Variants in INPP5D observed in about 807,000 individuals in gnomAD.
The protein encoded by INPP5D is phosphatidylinositol 3,4,5-trisphosphate 5-phosphatase 1.
In INPP5D, 33 loss-of-function variants were observed where a neutral mutation model predicts 122.9. The ratio of observed to expected loss-of-function variants is 0.27; its 90% CI spans 0.20 to 0.36. The LOEUF (loss-of-function observed/expected upper bound fraction) is 0.36, where lower values mean the gene tolerates loss of function less well. Ranked by LOEUF, INPP5D falls within the 10% of genes least tolerant of loss-of-function variation. INPP5D has a pLI of 1.00. For missense variants in INPP5D, 1,053 were observed against 1,412.7 expected, an observed-to-expected ratio of 0.75 and a Z score of 4.08; for synonymous variants, 584 against 576.2, an observed-to-expected ratio of 1.01 and a Z score of -0.19.
chr2:233,163,781 G>T lies in INPP5D; in HGVS notation c.1315G>T (p.Ala439Ser), dbSNP rs1237408660. ...KGQGKTRDDS[A>S]DYIPHDIYVI... ...GCAGGGAAAGACGCGGGACGACTCT[G>T]CGGACTACATCCCCCATGACATTTA... Residue 439 changes from alanine (A) to serine (S), a missense_variant, in exon 12 of 27, where the codon GCG (alanine) becomes TCG (serine). Transcript: ENST00000445964. 1 of 1,614,004 alleles carries T rather than the reference G, an allele frequency of 6.2e-7. No individual in the cohort carries two copies. The highest frequency in any genetic ancestry group is 1.1e-5 in the South Asian group (1 of 91,078).
chr2:233,160,071 G>C lies in INPP5D; in HGVS notation c.1137+1652G>C, dbSNP rs1208693720. 2.6e-5 allele frequency among the ~76,000 whole-genome samples: 4 copies of C among 152,132 alleles called. No homozygotes were observed. Among genetic ancestry groups the C allele is most frequent in the Admixed American group, 2.6e-4 (4 of 15,270 alleles). On this transcript the variant is annotated intron_variant, in intron 10 of 26. Coordinates refer to ENST00000445964, the MANE Select transcript of INPP5D (RefSeq NM_001017915.3). This position sits in a 1 kb window ranked among gnomAD's most constrained non-coding sequence, Gnocchi z 4.2. ...TGCCCCATTGCTGCGACCTCAAAAG[G>C]ACTGAGGCACAGGGATAAATGGAGG...
intron 18 of INPP5D, among the ~76,000 whole-genome samples, chr2:233,181,516 T>C (rs1694782479): frequency 6.6e-6 from 1 of 152,120 alleles, no homozygotes; most frequent in Admixed American, 6.5e-5. Flanking sequence ...AAGATGCATC[T>C]CCAGCCTTGA....
At chr2:233,102,961 C>T (rs1212117904) in intron 2 of INPP5D, among the ~76,000 whole-genome samples, 1 of 152,102 alleles carries the variant, frequency 6.6e-6, no homozygotes, top group Non-Finnish European at 1.5e-5. Context: ...TATAACACTC[C>T]CCTTCCTAGG....
chr2:233,112,650 T>C (rs756062380), intron 2 of INPP5D, among the ~76,000 whole-genome samples: 43 of 152,302 alleles, frequency 2.8e-4, no homozygotes, highest in Non-Finnish European at 3.2e-4. Flanking sequence ...CATACACTCA[T>C]TCATGCACCT....
chr2:233,192,290 C>T lies in INPP5D; in HGVS notation c.2447-1522C>T, dbSNP rs555216291. On this transcript the variant is annotated intron_variant, in intron 22 of 26. Transcript: ENST00000445964. ...CTGTATTTCTGCGACACGGCAAGAC[C>T]ATGTCTTTAAAAATAATATACTGTA... Among the ~76,000 whole-genome samples, 49 of 152,296 alleles carry T rather than the reference C, an allele frequency of 3.2e-4. No homozygotes were observed. The South Asian group carries it at 7.5e-3, about 23-fold the overall frequency.
At chr2:233,153,048 T>C (rs1574768978) in intron 9 of INPP5D, among the ~76,000 whole-genome samples, 1 of 152,130 alleles carries the variant, frequency 6.6e-6, no homozygotes, top group Non-Finnish European at 1.5e-5. Context: ...GTTTCAAAGG[T>C]AGACCAGCCA....
intron 13 of INPP5D, among the ~76,000 whole-genome samples, chr2:233,166,186 T>A (rs1694333690): frequency 6.6e-6 from 1 of 152,058 alleles, no homozygotes. Flanking sequence ...GGGTGTGGAT[T>A]CCATCGCTCC....
At chr2:233,102,090 C>A (rs1692330508) in intron 2 of INPP5D, among the ~76,000 whole-genome samples, 1 of 152,060 alleles carries the variant, frequency 6.6e-6, no homozygotes, top group South Asian at 2.1e-4. Flanking sequence ...TCATTCACGG[C>A]CAAGGAAACT....
intron 2 of INPP5D, among the ~76,000 whole-genome samples, chr2:233,086,177 C>CTTTCTTTCA (rs1691840459): frequency 2.1e-5 from 3 of 140,918 alleles, no homozygotes; most frequent in African/African-American, 8.1e-5. Context: ...TTCTTTCTTT[C>CTTTCTTTCA]TTTCTTTCTT....
chr2:233,164,279 G>T lies in INPP5D; in HGVS notation c.1438-28G>T. On this transcript the variant is annotated intron_variant, in intron 12 of 26. Transcript: ENST00000445964. The surrounding 1 kb of genome is among the most constrained non-coding windows in gnomAD (Gnocchi z 4.3). The stretch of plus-strand genomic sequence containing the variant: ...CTGGTTCACACCCTACACTTGGGCC[G>T]AGTATTGCAACGTTGTCCTCCCACC... 1 of 1,534,602 alleles carries T rather than the reference G, an allele frequency of 6.5e-7. No individual in the cohort carries two copies. Among genetic ancestry groups the T allele is most frequent in the South Asian group, 1.2e-5 (1 of 81,680 alleles).
chr2:233,180,927 G>A (rs2106312552), intron 18 of INPP5D, among the ~76,000 whole-genome samples: 1 of 152,296 alleles, frequency 6.6e-6, no homozygotes, highest in African/African-American at 2.4e-5. Flanking sequence ...ACCCACCTCG[G>A]CCTCCCAAAG....
chr2:233,199,596 G>A (rs1401559552), intron 25 of INPP5D, among the ~76,000 whole-genome samples: 1 of 150,896 alleles, frequency 6.6e-6, no homozygotes, highest in South Asian at 2.1e-4. Flanking sequence ...TTGGGAGGCC[G>A]AGGCAGACAG....
intron 23 of INPP5D, 59 bp from the exon 24 acceptor site, chr2:233,195,340 C>T: frequency 1.2e-6 from 2 of 1,611,966 alleles, no homozygotes; most frequent in Non-Finnish European, 8.5e-7. Flanking sequence ...TTTGCCATCC[C>T]TCGCCTAAGC....
chr2:233,091,605 C>T (rs1231375764), intron 2 of INPP5D, among the ~76,000 whole-genome samples: 1 of 152,196 alleles, frequency 6.6e-6, no homozygotes. Context: ...CTCTGCCTCC[C>T]TCTTCCCCTT....
intron 6 of INPP5D, 147 bp downstream of exon 6, chr2:233,140,076 G>A (rs974890406): frequency 1.5e-5 from 6 of 388,426 alleles, no homozygotes; most frequent in Non-Finnish European, 2.7e-5. Context: ...ATGGGTTGGG[G>A]GTGGGAGCCT....
intron 1 of INPP5D, among the ~76,000 whole-genome samples, chr2:233,067,281 T>C (rs1340742550): frequency 6.6e-6 from 1 of 152,242 alleles, no homozygotes; most frequent in African/African-American, 2.4e-5. Flanking sequence ...TCCGGATGTT[T>C]CATAACTGGA....
chr2:233,126,613 A>C (rs942559107), intron 4 of INPP5D, among the ~76,000 whole-genome samples: 15 of 152,172 alleles, frequency 9.9e-5, no homozygotes, highest in African/African-American at 3.4e-4. Flanking sequence ...TCTAAATAAC[A>C]GATGCTTTGA....
Position 233,170,977 on chromosome 2 carries a change from C to T in INPP5D, c.1901-87C>T, listed in dbSNP as rs866332313. 2.1e-4 allele frequency: 319 copies of T among 1,555,364 alleles called. 2 individuals are homozygous for T. The highest frequency in any genetic ancestry group is 5.0e-4 in the Middle Eastern group (3 of 5,976). On this transcript the variant is annotated intron_variant, in intron 16 of 26. Coordinates refer to ENST00000445964, the MANE Select transcript of INPP5D (RefSeq NM_001017915.3). The surrounding 1 kb of genome is among the most constrained non-coding windows in gnomAD (Gnocchi z 4.5). ...CCAGCCATCCTTTCGTCCCCTTTCC[C>T]CTGATTTCCTACCAGAAGAATAGGG... is the stretch of plus-strand genomic sequence containing the variant.
At chr2:233,180,476 T>C (rs1694755761) in intron 18 of INPP5D, among the ~76,000 whole-genome samples, 1 of 152,056 alleles carries the variant, frequency 6.6e-6, no homozygotes, top group African/African-American at 2.4e-5. Flanking sequence ...CTCCATCCTC[T>C]CCTGCCTCAC....
Sources: allele counts gnomAD v4.1 joint callset (sites outside exome capture counted in the v4.1 genomes callset), GRCh38; gene constraint gnomAD v4.1.1; non-coding constraint Gnocchi (gnomAD v3.1); transcripts MANE v1.5; gene names NCBI Gene and HGNC (gene_info 2026-07-23, HGNC 2026-07-21).